Variants in KLF17 observed in about 807,000 individuals in gnomAD.
The protein encoded by KLF17 is Krueppel-like factor 17.
Under a neutral mutation model 34.2 loss-of-function variants are expected in KLF17, and 31 were observed. That is an observed-to-expected ratio of 0.91 (90% CI 0.68 to 1.22). The LOEUF is 1.22. Among genes scored for constraint, KLF17 ranks in the 50% most tolerant of loss-of-function variants. The probability of loss-of-function intolerance (pLI) is 0.00; values close to 1 mark genes in which losing one functional copy is unlikely to be tolerated. For missense variants in KLF17, 478 were observed against 505.2 expected, an observed-to-expected ratio of 0.95 and a Z score of 0.52; for synonymous variants, 179 against 186.7, an observed-to-expected ratio of 0.96 and a Z score of 0.34.
At chr1:44,064,973 C>T in the KLF17 span, among the ~76,000 whole-genome samples, 1 of 152,114 alleles carries the variant, frequency 6.6e-6, no homozygotes, top group African/African-American at 2.4e-5. Flanking sequence ...TTTAGAAGAA[C>T]TTTATATTGT....
the KLF17 span, among the ~76,000 whole-genome samples, chr1:44,111,294 C>T: frequency 6.6e-6 from 1 of 152,074 alleles, no homozygotes; most frequent in African/African-American, 2.4e-5. Flanking sequence ...CCATGCCCGG[C>T]CTGTGTTTTT....
the KLF17 span, among the ~76,000 whole-genome samples, chr1:44,066,858 A>G: frequency 2.6e-5 from 4 of 152,230 alleles, no homozygotes; most frequent in South Asian, 6.2e-4. Flanking sequence ...ACTCCTATCC[A>G]TGCCACAACA....
upstream of KLF17, among the ~76,000 whole-genome samples, chr1:44,117,765 C>T (rs1379848555): frequency 6.6e-6 from 1 of 152,062 alleles, no homozygotes; most frequent in African/African-American, 2.4e-5. Flanking sequence ...AAAGTGCTGG[C>T]GTTGCAGGCG....
chr1:44,127,688 TTCTTTTTC>T (rs879387746), intron 1 of KLF17, among the ~76,000 whole-genome samples: 1,150 of 32,362 alleles, frequency 0.036, 35 homozygotes, highest in Middle Eastern at 0.1. Flanking sequence ...CTTTCTTTCT[TTCTTTTTC>T]TTTCTTTCTT....
At chr1:44,111,636 G>A in the KLF17 span, among the ~76,000 whole-genome samples, 1 of 152,110 alleles carries the variant, frequency 6.6e-6, no homozygotes, top group Non-Finnish European at 1.5e-5. Flanking sequence ...GAAATAGCCT[G>A]TAATCTCAGC....
upstream of KLF17, chr1:44,117,009 A>G (rs2087885251): frequency 6.6e-6 from 1 of 152,028 alleles, no homozygotes; most frequent in South Asian, 2.1e-4. Context: ...GCTCAAGCCA[A>G]TAATCTAGGA....
At position 44,129,482 on chromosome 1, in the gene KLF17, C is replaced by A. The variant is rs2088074629; in HGVS notation, c.211C>A (p.Pro71Thr). 1.9e-6 allele frequency: 3 copies of A among 1,612,136 alleles called. No individual in the cohort carries two copies. Among genetic ancestry groups the A allele is most frequent in the Middle Eastern group, 1.7e-4 (1 of 6,050 alleles). ...FPHSAEMLGS[P>T]LVSVEAPGQN... ...TCACAGCGCAGAGATGCTGGGGTCCCCTTTGGTGTCTGTTGAGGCGCCGGG... is the reference window on the plus strand; with the variant it reads ...TCACAGCGCAGAGATGCTGGGGTCCACTTTGGTGTCTGTTGAGGCGCCGGG... Residue 71 changes from proline (P) to threonine (T), a missense_variant, in exon 2 of 4, where the codon CCT (proline) becomes ACT (threonine). Coordinates refer to ENST00000372299, the MANE Select transcript of KLF17 (RefSeq NM_173484.4).
At chr1:44,108,496 A>T in the KLF17 span, among the ~76,000 whole-genome samples, 1 of 151,932 alleles carries the variant, frequency 6.6e-6, no homozygotes. Context: ...CAGCCCACGC[A>T]TTCAAGTTGA....
chr1:44,047,992 TTGTGTGTGTATGTGTGTGTG>T, the KLF17 span: 3 of 129,134 alleles, frequency 2.3e-5, no homozygotes, highest in Non-Finnish European at 3.4e-5. Flanking sequence ...TAAGAGAACA[TTGTGTGTGTATGTGTGTGTG>T]TGTGTGTGTG....
chr1:44,088,038 C>A, the KLF17 span: 1 of 218,396 alleles, frequency 4.6e-6, no homozygotes, highest in Non-Finnish European at 9.9e-6. Context: ...GACAATGGCA[C>A]AGGAGAAGAG....
intron 1 of KLF17, among the ~76,000 whole-genome samples, chr1:44,127,931 G>A (rs2088047128): frequency 6.8e-6 from 1 of 148,006 alleles, no homozygotes; most frequent in African/African-American, 2.5e-5. Flanking sequence ...TATGGATATT[G>A]TATTTTAAAC....
the KLF17 span, among the ~76,000 whole-genome samples, chr1:44,070,338 C>G: frequency 6.6e-6 from 1 of 152,082 alleles, no homozygotes; most frequent in African/African-American, 2.4e-5. Flanking sequence ...TCATCATCCA[C>G]CCCCCTCCAC....
chr1:44,118,959 C>A lies in KLF17; in HGVS notation c.52C>A (p.Arg18=). Residue 18 remains arginine (R), a synonymous_variant, in exon 1 of 4, where the codon CGG becomes AGG. Coordinates refer to ENST00000372299, the MANE Select transcript of KLF17 (RefSeq NM_173484.4). ...GGAACAGGAGGCTGGGGAGCTGAGC[C>A]GGTGGCAGGCGGCGCACCAGGCTGC... ...EMEQEAGELS[R]WQAAHQAAQD... 1 of 1,610,746 alleles carries A rather than the reference C, an allele frequency of 6.2e-7. No individual in the cohort carries two copies. Among genetic ancestry groups the A allele is most frequent in the Non-Finnish European group, 8.5e-7 (1 of 1,178,780 alleles).
the KLF17 span, among the ~76,000 whole-genome samples, chr1:44,049,227 T>C: frequency 9.9e-5 from 15 of 152,270 alleles, 1 homozygote; most frequent in East Asian, 1.9e-3. Context: ...CCTACCCTCA[T>C]CACCGCATCT....
At chr1:44,091,961 ACTCTCTCT>A in the KLF17 span, among the ~76,000 whole-genome samples, 37 of 116,548 alleles carry the variant, frequency 3.2e-4, 1 homozygote, top group South Asian at 1.2e-3. Flanking sequence ...ACACACACAC[ACTCTCTCT>A]CTCTCTCTCT....
chr1:44,070,590 C>CTTTTTTTTTTTT, the KLF17 span, among the ~76,000 whole-genome samples: 3 of 78,684 alleles, frequency 3.8e-5, no homozygotes, highest in African/African-American at 1.5e-4. Flanking sequence ...TTTCCCTTGT[C>CTTTTTTTTTTTT]TTTTTTTTTT....
chr1:44,054,557 T>C, the KLF17 span, among the ~76,000 whole-genome samples: 2 of 142,714 alleles, frequency 1.4e-5, no homozygotes, highest in Non-Finnish European at 3.0e-5. Context: ...CTCAGCTCAC[T>C]GCAAGCTCCA....
At chr1:44,131,543 G>A (rs1473879418) in intron 3 of KLF17, among the ~76,000 whole-genome samples, 1 of 152,074 alleles carries the variant, frequency 6.6e-6, no homozygotes, top group Non-Finnish European at 1.5e-5. Flanking sequence ...TATTAGACGT[G>A]GCACATATAC....
the KLF17 span, among the ~76,000 whole-genome samples, chr1:44,058,667 CTTTTTTTTTT>C: frequency 7.1e-4 from 46 of 65,218 alleles, no homozygotes; most frequent in African/African-American, 3.0e-3. Flanking sequence ...ATGGGAGGCC[CTTTTTTTTTT>C]TTTTTTTTTT....
Sources: allele counts gnomAD v4.1 joint callset (sites outside exome capture counted in the v4.1 genomes callset), GRCh38; gene constraint gnomAD v4.1.1; transcripts MANE v1.5; gene names NCBI Gene and HGNC (gene_info 2026-07-23, HGNC 2026-07-21).